CHRM2: variants seen among roughly 807,000 people sequenced by gnomAD.
CHRM2 encodes the protein muscarinic acetylcholine receptor M2.
In CHRM2, 8 loss-of-function variants were observed where a neutral mutation model predicts 25.0. The observed-to-expected ratio is 0.32, with a 90% CI of 0.19 to 0.58. The LOEUF (loss-of-function observed/expected upper bound fraction) is 0.58, where lower values mean the gene tolerates loss of function less well. Ranked by LOEUF, CHRM2 falls within the 20% of genes least tolerant of loss-of-function variation. The pLI, the probability that CHRM2 is intolerant of heterozygous loss-of-function variation, is 0.88. For synonymous variants in CHRM2, 202 were observed against 205.7 expected (o/e 0.98, Z 0.15); for missense variants, 440 against 567.1 (o/e 0.78, Z 2.28).
intron 2 of CHRM2, among the ~76,000 whole-genome samples, chr7:136,884,165 T>C (rs1387689252): frequency 6.6e-6 from 1 of 152,168 alleles, no homozygotes; most frequent in Non-Finnish European, 1.5e-5. Flanking sequence ...TGGAGATGTA[T>C]GACAACTTCA....
chr7:136,909,219 A>G (rs1365844150), intron 2 of CHRM2, among the ~76,000 whole-genome samples: 1 of 151,976 alleles, frequency 6.6e-6, no homozygotes, highest in African/African-American at 2.4e-5. Flanking sequence ...ATTTGTGAGA[A>G]ATATTTGTGA....
At chr7:137,007,555 T>C (rs1299714317) in intron 3 of CHRM2, among the ~76,000 whole-genome samples, 1 of 152,104 alleles carries the variant, frequency 6.6e-6, no homozygotes, top group Non-Finnish European at 1.5e-5. Context: ...CATAATGTGT[T>C]GCATGGCTCA....
intron 2 of CHRM2, among the ~76,000 whole-genome samples, chr7:136,924,686 A>G (rs1798643227): frequency 6.6e-6 from 1 of 152,136 alleles, no homozygotes; most frequent in Non-Finnish European, 1.5e-5. Flanking sequence ...CCCATACAAC[A>G]TGGTGGTCCC....
At chr7:136,934,598 CA>C (rs1464712068) in intron 2 of CHRM2, among the ~76,000 whole-genome samples, 1 of 151,924 alleles carries the variant, frequency 6.6e-6, no homozygotes, top group Non-Finnish European at 1.5e-5. Context: ...CCTTTCTGGC[CA>C]AATAGGTCCA....
intron 2 of CHRM2, among the ~76,000 whole-genome samples, chr7:136,970,218 C>A (rs2130926553): frequency 6.6e-6 from 1 of 152,254 alleles, no homozygotes; most frequent in East Asian, 1.9e-4. Context: ...TGGTCTAGTT[C>A]CACCTGTATT....
intron 2 of CHRM2, among the ~76,000 whole-genome samples, chr7:136,921,794 C>CTTTTTTTTTTTTTTTTTTTTT (rs398006503): frequency 1.3e-4 from 15 of 116,620 alleles, no homozygotes; most frequent in Non-Finnish European, 2.5e-4. Context: ...TTCTTTCTTT[C>CTTTTTTTTTTTTTTTTTTTTT]TTTTTTTTGA....
Position 137,000,547 on chromosome 7 carries a change from A to AAGGAAGGAAG in CHRM2, c.-47+8283_-47+8284insAGGAAGGAAG, listed in dbSNP as rs1554434051. On this transcript the variant is annotated intron_variant, in intron 3 of 3. Transcript: ENST00000680005. ...AAAAAGAAAGAAAGAAAAGAAAGAA[A>AAGGAAGGAAG]GAAGGAAGGAAGGAAGGAAGGAAGG... Among the ~76,000 whole-genome samples the AAGGAAGGAAG allele has an allele frequency of 8.4e-5, 8 of 95,210 alleles. No individual in the cohort carries two copies. In the East Asian group the frequency reaches 1.2e-3, roughly 14 times the overall value. 62.5% of individuals were successfully genotyped at this position (95,210 alleles called of 152,430 possible).
chr7:136,908,775 C>CA (rs143350929), intron 2 of CHRM2, among the ~76,000 whole-genome samples: 1,940 of 151,796 alleles, frequency 0.013, 42 homozygotes, highest in African/African-American at 0.044. Context: ...CCTGCAAAAG[C>CA]AAAAAAATCT....
intron 2 of CHRM2, among the ~76,000 whole-genome samples, chr7:136,945,578 T>C (rs1038095336): frequency 2.0e-5 from 3 of 152,150 alleles, no homozygotes; most frequent in Non-Finnish European, 4.4e-5. Flanking sequence ...TTCTGTTCCA[T>C]TGGCCTGTTT....
At chr7:136,986,588 G>C (rs977421879) in intron 2 of CHRM2, among the ~76,000 whole-genome samples, 1 of 152,034 alleles carries the variant, frequency 6.6e-6, no homozygotes, top group African/African-American at 2.4e-5. Flanking sequence ...GATATATTTG[G>C]GCAATTAGCA....
chr7:136,947,627 G>A (rs1362709001), intron 2 of CHRM2, among the ~76,000 whole-genome samples: 2 of 151,958 alleles, frequency 1.3e-5, no homozygotes, highest in African/African-American at 4.8e-5. Flanking sequence ...TTCCTGTCTT[G>A]GATTTCTGCT....
intron 2 of CHRM2, among the ~76,000 whole-genome samples, chr7:136,952,494 G>A (rs571683826): frequency 5.6e-4 from 85 of 152,174 alleles, no homozygotes; most frequent in African/African-American, 1.9e-3. Flanking sequence ...AGTTCTGGTC[G>A]TCTGACTTCT....
chr7:136,909,190 T>A (rs975260688), intron 2 of CHRM2, among the ~76,000 whole-genome samples: 11 of 152,004 alleles, frequency 7.2e-5, no homozygotes, highest in African/African-American at 2.7e-4. Context: ...CTTATTATTA[T>A]TTTGTTCTCA....
rs571820762 is a variant in CHRM2 at position 136,919,013 on chromosome 7, T to C, written c.-125+49595T>C. ...TCCAGGCAATTAATATTTGGAACTT[T>C]TGTGTAGCTAGCTATTTCTAAAGTG... On this transcript the variant is annotated intron_variant, in intron 2 of 3. Coordinates refer to ENST00000680005, the MANE Select transcript of CHRM2 (RefSeq NM_001006630.2). 5.4e-4 allele frequency among the ~76,000 whole-genome samples: 82 copies of C among 152,270 alleles called. 1 individual carries two copies. The highest frequency in any genetic ancestry group is 1.7e-3 in the South Asian group (8 of 4,826).
intron 2 of CHRM2, among the ~76,000 whole-genome samples, chr7:136,942,885 C>A (rs1393931787): frequency 2.0e-5 from 3 of 151,562 alleles, no homozygotes; most frequent in African/African-American, 7.3e-5. Flanking sequence ...CAAAATTTTT[C>A]TTTGTCCTTC....
chr7:136,903,938 T>C (rs1452531481), intron 2 of CHRM2, among the ~76,000 whole-genome samples: 2 of 151,888 alleles, frequency 1.3e-5, no homozygotes, highest in African/African-American at 4.8e-5. Context: ...ATTCAGACTA[T>C]GTGAAGTGAC....
intron 2 of CHRM2, among the ~76,000 whole-genome samples, chr7:136,920,291 A>G (rs1367916094): frequency 1.3e-5 from 2 of 152,022 alleles, no homozygotes; most frequent in Non-Finnish European, 2.9e-5. Flanking sequence ...CCTTTATTTT[A>G]TAGTTATTAG....
intron 2 of CHRM2, among the ~76,000 whole-genome samples, chr7:136,964,145 T>C (rs1801267029): frequency 6.6e-6 from 1 of 152,248 alleles, no homozygotes; most frequent in East Asian, 1.9e-4. Context: ...GAAAAGTAAA[T>C]TCTGACAGTA....
intron 2 of CHRM2, among the ~76,000 whole-genome samples, chr7:136,873,411 T>C (rs3735028): frequency 0.062 from 9,372 of 152,318 alleles, 325 homozygotes; most frequent in East Asian, 0.11. Context: ...TTTTCTGTTT[T>C]GTCAGTTGCT....
Sources: gnomAD v4.1 joint callset for allele counts (sites outside exome capture counted in the v4.1 genomes callset) on GRCh38, gnomAD v4.1.1 for gene constraint, MANE v1.5 for transcripts, NCBI Gene and HGNC (gene_info 2026-07-23, HGNC 2026-07-21) for gene names.